Variants in PCDHGB1 observed in about 807,000 individuals in gnomAD.
PCDHGB1 encodes the protein protocadherin gamma-B1.
A neutral mutation model predicts 56.6 loss-of-function variants in PCDHGB1; 34 were observed. The ratio of observed to expected loss-of-function variants is 0.60; its 90% CI spans 0.46 to 0.80. PCDHGB1 has a LOEUF of 0.80. PCDHGB1 is among the 30% of genes least tolerant of loss of function. The pLI is 0.00. For synonymous variants in PCDHGB1, 561 were observed against 505.9 expected (o/e 1.11, Z -1.46); for missense variants, 1,278 against 1,204.6 (o/e 1.06, Z -0.90).
chr5:141,466,933 C>A (rs1305734739), intron 1 of PCDHGB1, among the ~76,000 whole-genome samples: 1 of 152,100 alleles, frequency 6.6e-6, no homozygotes, highest in Non-Finnish European at 1.5e-5. Context: ...GAATATTAGT[C>A]CTTTGTCCAG....
chr5:141,403,210 C>T lies in PCDHGB1; in HGVS notation c.2409+50541C>T, dbSNP rs369033480. 123 of 1,613,946 alleles carry T rather than the reference C, an allele frequency of 7.6e-5. No homozygotes were observed. In the Middle Eastern group the frequency reaches 1.2e-3, roughly 15 times the overall value. On this transcript the variant is annotated intron_variant, in intron 1 of 3. Coordinates refer to ENST00000523390, the MANE Select transcript of PCDHGB1 (RefSeq NM_018922.3). Reference sequence around the variant, plus strand: ...ACCCGCGCAGCGGCACCTTGGTCACCGCGGGTAGGATAGACCGGGAGGAGC... The same window carrying T: ...ACCCGCGCAGCGGCACCTTGGTCACTGCGGGTAGGATAGACCGGGAGGAGC...
rs370932300 is a variant in PCDHGB1, at chr5:141,459,955, G to A, written c.2410-34852G>A. Among the ~76,000 whole-genome samples, 15 of 152,316 alleles carry A rather than the reference G, an allele frequency of 9.8e-5. No homozygotes were observed. The East Asian group carries it at 2.3e-3, about 24-fold the overall frequency. The stretch of plus-strand genomic sequence containing the variant: ...TAGCTGGGCGTGATGGCAGGTGCCT[G>A]TAATCCCAGCTACTCAGGAGGCTGA... On this transcript the variant is annotated intron_variant, in intron 1 of 3. Coordinates refer to ENST00000523390, the MANE Select transcript of PCDHGB1 (RefSeq NM_018922.3).
At chr5:141,418,484 C>T (rs771278923) in intron 1 of PCDHGB1, 1 of 1,613,878 alleles carries the variant, frequency 6.2e-7, no homozygotes, top group East Asian at 2.2e-5. Flanking sequence ...GAGCGCTCAC[C>T]ACTTGGTACT....
intron 1 of PCDHGB1, among the ~76,000 whole-genome samples, chr5:141,453,779 C>T (rs138335951): frequency 0.013 from 2,000 of 152,278 alleles, 24 homozygotes; most frequent in Non-Finnish European, 0.021. Flanking sequence ...ATTTTAGTTA[C>T]CATGGTATAT....
At position 141,477,862 on chromosome 5, in the gene PCDHGB1, A is replaced by AGGT. The variant is rs753168325; in HGVS notation, c.2410-16944_2410-16942dup. 2.1e-5 allele frequency: 34 copies of AGGT among 1,613,138 alleles called. No individual in the cohort carries two copies. Among genetic ancestry groups the AGGT allele is most frequent in the Non-Finnish European group, 2.5e-5 (29 of 1,179,720 alleles). ...GGAGCTCGGTGGAGATGCTGCCTCG[A>AGGT]GGTACCTCAGCTGGCCACCTAGTGT... is the stretch of plus-strand genomic sequence containing the variant. On this transcript the variant is annotated intron_variant, in intron 1 of 3. Transcript: ENST00000523390. The surrounding 1 kb of genome is among the most constrained non-coding windows in gnomAD (Gnocchi z 4.9).
intron 1 of PCDHGB1, chr5:141,371,329 G>A: frequency 6.2e-7 from 1 of 1,613,968 alleles, no homozygotes; most frequent in Non-Finnish European, 8.5e-7. Flanking sequence ...TTTGAAGAGA[G>A]AGATAGCTAC....
rs369406530 is a variant in PCDHGB1, at chr5:141,393,504, A to C, written c.2409+40835A>C. On this transcript the variant is annotated intron_variant, in intron 1 of 3. Transcript: ENST00000523390. ...CTCTAGCACAGTGCGCATCCACGTG[A>C]CAGTGTTGGATACAAATGACAATGC... 16 of 1,613,918 alleles carry C rather than the reference A, an allele frequency of 9.9e-6. No individual in the cohort carries two copies. In the African/African-American group the frequency reaches 2.0e-4, roughly 20 times the overall value.
At position 141,476,402 on chromosome 5, in the gene PCDHGB1, G is replaced by A. The variant is rs775511298; in HGVS notation, c.2410-18405G>A. The stretch of plus-strand genomic sequence containing the variant: ...TGTGAACGACCGTCTGGATCGAGAG[G>A]AGCTGTGTGGGACACTGCCCTCTTG... On this transcript the variant is annotated intron_variant, in intron 1 of 3. Coordinates refer to ENST00000523390, the MANE Select transcript of PCDHGB1 (RefSeq NM_018922.3). This position sits in a 1 kb window ranked among gnomAD's most constrained non-coding sequence, Gnocchi z 7.6. 9 of 1,613,992 alleles carry A rather than the reference G, an allele frequency of 5.6e-6. No individual in the cohort carries two copies. Among genetic ancestry groups the A allele is most frequent in the African/African-American group, 1.3e-5 (1 of 74,904 alleles).
intron 1 of PCDHGB1, chr5:141,385,245 G>A: frequency 6.2e-7 from 1 of 1,613,932 alleles, no homozygotes; most frequent in Non-Finnish European, 8.5e-7. Context: ...TCATCAGCCA[G>A]GAGAGCTGTG....
chr5:141,485,185 G>C lies in PCDHGB1; in HGVS notation c.2410-9622G>C. On this transcript the variant is annotated intron_variant, in intron 1 of 3. Transcript: ENST00000523390. This position sits in a 1 kb window ranked among gnomAD's most constrained non-coding sequence, Gnocchi z 5.7. ...AGCGGGCGGCAGCAATGCTCCGCAA[G>C]GTGAGAAGCTGGACAGAAATCTGGC... 6.2e-7 allele frequency: 1 copy of C among 1,613,528 alleles called. No homozygotes were observed. Among genetic ancestry groups the C allele is most frequent in the Non-Finnish European group, 8.5e-7 (1 of 1,179,492 alleles).
In PCDHGB1 at chr5:141,400,300, C is replaced by A. The variant is rs1267834290; in HGVS notation, c.2409+47631C>A. The stretch of plus-strand genomic sequence containing the variant: ...CCCTGCCGCCTGGAGCTGCTTCCAA[C>A]CTGGTCTCTGTGTCAAGTCTGGACC... On this transcript the variant is annotated intron_variant, in intron 1 of 3. Transcript: ENST00000523390. 6.8e-6 allele frequency: 11 copies of A among 1,613,966 alleles called. No individual in the cohort carries two copies. The African/African-American group carries it at 1.3e-4, about 20-fold the overall frequency.
chr5:141,466,975 A>G (rs769024064), intron 1 of PCDHGB1, among the ~76,000 whole-genome samples: 1 of 151,842 alleles, frequency 6.6e-6, no homozygotes, highest in Non-Finnish European at 1.5e-5. Flanking sequence ...CTCACAGCTC[A>G]TCATTTACCT....
At chr5:141,446,049 G>T (rs1043671484) in intron 1 of PCDHGB1, among the ~76,000 whole-genome samples, 1 of 152,100 alleles carries the variant, frequency 6.6e-6, no homozygotes, top group African/African-American at 2.4e-5. Context: ...AAGAAGAGCT[G>T]GCTTGGATTA....
chr5:141,361,036 A>G (rs778660154), intron 1 of PCDHGB1: 4 of 1,613,510 alleles, frequency 2.5e-6, no homozygotes, highest in Non-Finnish European at 3.4e-6. Flanking sequence ...AACAGGAGAA[A>G]TCACGACAAA....
chr5:141,359,857 AAAAAG>A (rs1258075197), intron 1 of PCDHGB1, among the ~76,000 whole-genome samples: 2 of 152,330 alleles, frequency 1.3e-5, no homozygotes, highest in African/African-American at 4.8e-5. Context: ...TTATAAATTA[AAAAAG>A]AAAAGAAAAG....
chr5:141,491,227 C>T lies in PCDHGB1; in HGVS notation c.2410-3580C>T. 6.2e-7 allele frequency: 1 copy of T among 1,614,216 alleles called. No homozygotes were observed. The highest frequency in any genetic ancestry group is 8.5e-7 in the Non-Finnish European group (1 of 1,180,018). On this transcript the variant is annotated intron_variant, in intron 1 of 3. Coordinates refer to ENST00000523390, the MANE Select transcript of PCDHGB1 (RefSeq NM_018922.3). The surrounding 1 kb of genome is among the most constrained non-coding windows in gnomAD (Gnocchi z 6.9). Reference sequence around the variant, plus strand: ...TTCACTCTCCTCCACAGCCACAGTGCTGCTGGTTCTGGAGGATGAGGACCC... The same window carrying T: ...TTCACTCTCCTCCACAGCCACAGTGTTGCTGGTTCTGGAGGATGAGGACCC...
At chr5:141,498,971 G>GGGAGGGAAGGAAGGAA (rs2099787588) in intron 2 of PCDHGB1, among the ~76,000 whole-genome samples, 1 of 110,970 alleles carries the variant, frequency 9.0e-6, no homozygotes, top group African/African-American at 3.6e-5. Flanking sequence ...GAGGGAGGGA[G>GGGAGGGAAGGAAGGAA]GGAAGGAAGG....
At chr5:141,405,966 C>T (rs1226823491) in intron 1 of PCDHGB1, among the ~76,000 whole-genome samples, 3 of 151,986 alleles carry the variant, frequency 2.0e-5, no homozygotes, top group South Asian at 4.1e-4. Flanking sequence ...CTGCTGTCAA[C>T]GTAAACCATA....
chr5:141,362,338 C>T lies in PCDHGB1; in HGVS notation c.2409+9669C>T, dbSNP rs760109365. ...TTTTCAGCCTGGTCTCAGCTCCAAG[C>T]CTGGACCTGGGGTTCTCCCCAATTA... On this transcript the variant is annotated intron_variant, in intron 1 of 3. Coordinates refer to ENST00000523390, the MANE Select transcript of PCDHGB1 (RefSeq NM_018922.3). The T allele has an allele frequency of 9.3e-6, 15 of 1,614,070 alleles. No homozygotes were observed. In the South Asian group the frequency reaches 1.6e-4, roughly 18 times the overall value.
Sources: allele counts gnomAD v4.1 joint callset (sites outside exome capture counted in the v4.1 genomes callset), GRCh38; gene constraint gnomAD v4.1.1; non-coding constraint Gnocchi (gnomAD v3.1); transcripts MANE v1.5; gene names NCBI Gene and HGNC (gene_info 2026-07-23, HGNC 2026-07-21).